Variants in CHD1L observed in about 807,000 individuals in gnomAD.
CHD1L encodes the protein ATP-dependent chromatin remodeler CHD1L.
A neutral mutation model predicts 115.9 loss-of-function variants in CHD1L; 118 were observed. The observed-to-expected ratio is 1.02, with a 90% CI of 0.88 to 1.19. The LOEUF (loss-of-function observed/expected upper bound fraction) is 1.19. Among genes scored for constraint, CHD1L ranks in the 50% most tolerant of loss-of-function variants. The probability of loss-of-function intolerance (pLI) is 0.00; values close to 1 mark genes in which losing one functional copy is unlikely to be tolerated. For missense variants in CHD1L, 1,179 were observed against 1,065.3 expected (o/e 1.11, Z -1.49); for synonymous variants, 411 against 387.1 (o/e 1.06, Z -0.72).
At chr1:147,212,676 TCTCAGTATTTTTGC>T in the CHD1L span, 1 of 788,460 alleles carries the variant, frequency 1.3e-6, no homozygotes, top group Non-Finnish European at 2.0e-6. Flanking sequence ...TTCTTGCCTT[TCTCAGTATTTTTGC>T]CTATTTTCTT....
At chr1:147,284,926 G>C (rs1682486159) in intron 16 of CHD1L, among the ~76,000 whole-genome samples, 1 of 152,160 alleles carries the variant, frequency 6.6e-6, no homozygotes, top group Non-Finnish European at 1.5e-5. Context: ...TCATGATGTT[G>C]AAATACAATC....
At chr1:147,283,270 T>C (rs1245903881) in intron 15 of CHD1L, among the ~76,000 whole-genome samples, 1 of 152,152 alleles carries the variant, frequency 6.6e-6, no homozygotes, top group Non-Finnish European at 1.5e-5. Flanking sequence ...CTGGTTAGAT[T>C]TGGGTACAAG....
intron 1 of CHD1L, 76 bp downstream of exon 1, chr1:147,242,906 C>T: frequency 2.4e-6 from 3 of 1,232,316 alleles, no homozygotes; most frequent in Non-Finnish European, 2.0e-6. Context: ...GGGGGCGCAG[C>T]GGGTGGGCCG....
chr1:147,189,957 A>C, the CHD1L span, among the ~76,000 whole-genome samples: 1 of 152,164 alleles, frequency 6.6e-6, no homozygotes, highest in East Asian at 1.9e-4. Flanking sequence ...CATTAAACAT[A>C]TGATTTTAGA....
At chr1:147,277,131 G>C (rs180979028) in intron 14 of CHD1L, among the ~76,000 whole-genome samples, 1 of 152,062 alleles carries the variant, frequency 6.6e-6, no homozygotes, top group Non-Finnish European at 1.5e-5. Context: ...TAAGAAGTAG[G>C]GCAGAGTTTT....
the CHD1L span, among the ~76,000 whole-genome samples, chr1:147,232,440 TAGC>T: frequency 6.6e-6 from 1 of 152,108 alleles, no homozygotes; most frequent in South Asian, 2.1e-4. Context: ...TTATCTCAAG[TAGC>T]AGAACATGTT....
chr1:147,223,513 T>C, the CHD1L span: 4 of 152,418 alleles, frequency 2.6e-5, no homozygotes, highest in Non-Finnish European at 5.9e-5. Context: ...TTCAGAAAAC[T>C]AGCTTAAAAG....
At chr1:147,180,361 A>G in the CHD1L span, among the ~76,000 whole-genome samples, 1 of 151,986 alleles carries the variant, frequency 6.6e-6, no homozygotes, top group African/African-American at 2.4e-5. Context: ...GCGCGATCTC[A>G]GCTCACTGCA....
chr1:147,281,879 T>C (rs1405862254), intron 15 of CHD1L, among the ~76,000 whole-genome samples: 2 of 152,232 alleles, frequency 1.3e-5, no homozygotes, highest in Admixed American at 1.3e-4. Flanking sequence ...GAAGCACATG[T>C]ACATTGTGGA....
upstream of CHD1L, among the ~76,000 whole-genome samples, chr1:147,241,985 G>A (rs72997586): frequency 0.017 from 2,606 of 152,162 alleles, 75 homozygotes; most frequent in African/African-American, 0.06. Context: ...ACACCACCCA[G>A]AACTTCATCA....
intron 19 of CHD1L, among the ~76,000 whole-genome samples, chr1:147,288,330 A>AAAAAAG (rs1684118763): frequency 7.2e-3 from 10 of 1,394 alleles, no homozygotes; most frequent in African/African-American, 0.012. Flanking sequence ...TTCAATAAAA[A>AAAAAAG]AAAAAAAAAA....
rs1553966102 is a variant in CHD1L at position 147,286,519 on chromosome 1, G to A, written c.2221+19G>A. The stretch of plus-strand genomic sequence containing the variant: ...TGCGTAGGTACGAGAAGTGGTATGG[G>A]CTGGGGATGGGGGCCTCAGTCCTTA... On this transcript the variant is annotated intron_variant, in intron 18 of 22. Coordinates refer to ENST00000369258, the MANE Select transcript of CHD1L (RefSeq NM_004284.6). 1 of 1,609,754 alleles carries A rather than the reference G, an allele frequency of 6.2e-7. No homozygotes were observed. The highest frequency in any genetic ancestry group is 1.1e-5 in the South Asian group (1 of 90,916).
the CHD1L span, chr1:147,213,415 TC>T: frequency 1.9e-6 from 3 of 1,613,464 alleles, no homozygotes; most frequent in Non-Finnish European, 2.5e-6. Context: ...AGTGACCACT[TC>T]CCATTGGCCT....
rs192453264 is a variant in CHD1L, at chr1:147,268,538, G to T, written c.989-244G>T. Among the ~76,000 whole-genome samples, 340 of 152,230 alleles carry T rather than the reference G, an allele frequency of 2.2e-3. 2 individuals are homozygous for T. The highest frequency in any genetic ancestry group is 0.01 in the Middle Eastern group (3 of 294). The stretch of plus-strand genomic sequence containing the variant: ...GAGTGAGTCTCGATTTCAGTTTTGG[G>T]TCTCCTTGACCTTTAGCATCTTCTT... On this transcript the variant is annotated intron_variant, in intron 9 of 22. Transcript: ENST00000369258.
the CHD1L span, chr1:147,178,376 A>G: frequency 6.2e-7 from 1 of 1,611,936 alleles, no homozygotes; most frequent in Non-Finnish European, 8.5e-7. Context: ...TGCACTGCCA[A>G]CACTAACACC....
chr1:147,191,197 C>A, the CHD1L span, among the ~76,000 whole-genome samples: 36 of 152,090 alleles, frequency 2.4e-4, no homozygotes, highest in Non-Finnish European at 4.3e-4. Flanking sequence ...GGGTATATAC[C>A]CAGTAATGGG....
the CHD1L span, among the ~76,000 whole-genome samples, chr1:147,205,912 A>C: frequency 6.6e-6 from 1 of 152,186 alleles, no homozygotes; most frequent in Non-Finnish European, 1.5e-5. Context: ...CAAAATTGAC[A>C]AATGGGATCT....
intron 14 of CHD1L, among the ~76,000 whole-genome samples, chr1:147,278,433 C>G (rs1553959539): frequency 6.6e-6 from 1 of 151,432 alleles, no homozygotes; most frequent in African/African-American, 2.4e-5. Flanking sequence ...CCATGTTGGC[C>G]AGACTGGTCT....
chr1:147,229,713 G>A, the CHD1L span, among the ~76,000 whole-genome samples: 6 of 152,074 alleles, frequency 3.9e-5, no homozygotes, highest in South Asian at 2.1e-4. Context: ...TCTCCTTGAG[G>A]AGGTACTTCA....
Sources: gnomAD v4.1 joint callset for allele counts (sites outside exome capture counted in the v4.1 genomes callset) on GRCh38, gnomAD v4.1.1 for gene constraint, MANE v1.5 for transcripts, NCBI Gene and HGNC (gene_info 2026-07-23, HGNC 2026-07-21) for gene names.